DPF3: variants seen among roughly 807,000 people sequenced by gnomAD.
The protein encoded by DPF3 is zinc finger protein DPF3.
A neutral mutation model predicts 56.8 loss-of-function variants in DPF3; 18 were observed. The ratio of observed to expected loss-of-function variants is 0.32; its 90% CI spans 0.22 to 0.47. The LOEUF is 0.47. DPF3 is among the 20% of genes least tolerant of loss of function. DPF3 has a pLI of 1.00. For missense variants in DPF3, 403 were observed against 488.8 expected, an observed-to-expected ratio of 0.82 and a Z score of 1.65; for synonymous variants, 188 against 180.2, an observed-to-expected ratio of 1.04 and a Z score of -0.35.
intron 1 of DPF3, among the ~76,000 whole-genome samples, chr14:72,873,623 T>C (rs374517368): frequency 2.0e-5 from 3 of 152,256 alleles, no homozygotes; most frequent in Middle Eastern, 3.4e-3. Context: ...CACACGCACA[T>C]GTATGTTTAT....
chr14:72,763,240 T>C (rs945138673), intron 2 of DPF3, among the ~76,000 whole-genome samples: 3 of 152,014 alleles, frequency 2.0e-5, no homozygotes, highest in Non-Finnish European at 4.4e-5. Context: ...TTTGTAGAAA[T>C]TGACAGACTG....
chr14:72,840,831 G>A (rs1313872285), intron 1 of DPF3, among the ~76,000 whole-genome samples: 1 of 152,180 alleles, frequency 6.6e-6, no homozygotes. Context: ...CAAAAGGCCA[G>A]GTCCCAGGAT....
intron 1 of DPF3, among the ~76,000 whole-genome samples, chr14:72,883,515 T>G (rs890834566): frequency 4.6e-5 from 7 of 151,292 alleles, no homozygotes; most frequent in African/African-American, 1.7e-4. Flanking sequence ...GAAAAGAAAA[T>G]AAAGAAAGTT....
chr14:72,763,468 T>C (rs1891141684), intron 2 of DPF3, among the ~76,000 whole-genome samples: 1 of 152,148 alleles, frequency 6.6e-6, no homozygotes, highest in Non-Finnish European at 1.5e-5. Flanking sequence ...CATCTAATTT[T>C]TGACAAGCCA....
At chr14:72,671,382 G>T in intron 8 of DPF3, 1 of 1,605,554 alleles carries the variant, frequency 6.2e-7, no homozygotes, top group South Asian at 1.1e-5. Flanking sequence ...TTAAGCAACA[G>T]ACAGCATTAT....
chr14:72,669,055 C>A (rs1417333048), intron 8 of DPF3, among the ~76,000 whole-genome samples: 1 of 152,174 alleles, frequency 6.6e-6, no homozygotes, highest in Admixed American at 6.5e-5. Flanking sequence ...GGGATTGTTA[C>A]TTTCATTCCC....
intron 5 of DPF3, among the ~76,000 whole-genome samples, chr14:72,717,052 G>A (rs961602174): frequency 2.0e-5 from 3 of 152,252 alleles, no homozygotes; most frequent in South Asian, 4.2e-4. Context: ...GCATTCACAC[G>A]TTCATTCATT....
At chr14:72,868,497 C>T (rs1363292706) in intron 1 of DPF3, among the ~76,000 whole-genome samples, 1 of 152,204 alleles carries the variant, frequency 6.6e-6, no homozygotes, top group African/African-American at 2.4e-5. Context: ...CATGGCCTCA[C>T]CCCTAGGGAT....
At chr14:72,739,969 GA>G (rs1366691667) in intron 3 of DPF3, among the ~76,000 whole-genome samples, 2 of 152,132 alleles carry the variant, frequency 1.3e-5, no homozygotes, top group Admixed American at 6.5e-5. Context: ...TGCTTTGGAG[GA>G]AAAACAGAGC....
intron 1 of DPF3, among the ~76,000 whole-genome samples, chr14:72,849,209 A>G (rs1442309667): frequency 1.3e-5 from 2 of 152,154 alleles, no homozygotes; most frequent in African/African-American, 4.8e-5. Flanking sequence ...TATAAGTTTC[A>G]AGGGCTGGAC....
chr14:72,748,111 G>A lies in DPF3; in HGVS notation c.301+5153C>T, dbSNP rs564829737. 3.4e-3 allele frequency among the ~76,000 whole-genome samples: 524 copies of A among 152,352 alleles called. 1 individual carries two copies. The highest frequency in any genetic ancestry group is 0.012 in the African/African-American group (482 of 41,582). On this transcript the variant is annotated intron_variant, in intron 3 of 10. Coordinates refer to ENST00000556509, the MANE Select transcript of DPF3 (RefSeq NM_001280542.3). ...TTTGGACGGCTCAGAAGAAGACAGCGAAATGTGGGAAAGTTTGGAACTTCC... is the reference window on the plus strand; with the variant it reads ...TTTGGACGGCTCAGAAGAAGACAGCAAAATGTGGGAAAGTTTGGAACTTCC...
intron 8 of DPF3, among the ~76,000 whole-genome samples, chr14:72,673,843 T>C (rs1442022007): frequency 6.6e-6 from 1 of 152,208 alleles, no homozygotes; most frequent in Non-Finnish European, 1.5e-5. Context: ...CACCACACTC[T>C]TCGGGTTTGC....
At chr14:72,863,985 T>C (rs1214443803) in intron 1 of DPF3, among the ~76,000 whole-genome samples, 2 of 152,122 alleles carry the variant, frequency 1.3e-5, no homozygotes, top group African/African-American at 4.8e-5. Flanking sequence ...GGGAAGCCCA[T>C]GGTGGGATGT....
At chr14:72,665,832 A>AT (rs1886420874) in intron 8 of DPF3, among the ~76,000 whole-genome samples, 1 of 152,196 alleles carries the variant, frequency 6.6e-6, no homozygotes, top group South Asian at 2.1e-4. Flanking sequence ...TATTTGAAGA[A>AT]TCTGGGTGAA....
chr14:72,715,327 G>A (rs546037610), intron 5 of DPF3, among the ~76,000 whole-genome samples: 31 of 152,340 alleles, frequency 2.0e-4, no homozygotes, highest in African/African-American at 7.2e-4. Context: ...CAGCCCCAGG[G>A]CGGTGGTGAC....
At chr14:72,719,942 TC>T (rs1170440459) in intron 5 of DPF3, among the ~76,000 whole-genome samples, 1 of 152,030 alleles carries the variant, frequency 6.6e-6, no homozygotes, top group Non-Finnish European at 1.5e-5. Flanking sequence ...TATTCTGTAA[TC>T]CCTACCTTAG....
chr14:72,857,195 T>C (rs182492462), intron 1 of DPF3, among the ~76,000 whole-genome samples: 2 of 152,020 alleles, frequency 1.3e-5, no homozygotes, highest in African/African-American at 4.8e-5. Flanking sequence ...CTCTAAACCA[T>C]GTATGGAGAG....
chr14:72,767,852 A>C (rs1891356537), intron 2 of DPF3, among the ~76,000 whole-genome samples: 1 of 151,972 alleles, frequency 6.6e-6, no homozygotes, highest in South Asian at 2.1e-4. Flanking sequence ...ATGGCAAAAC[A>C]CATCAAAATC....
At chr14:72,712,536 C>T (rs1460653166) in intron 6 of DPF3, among the ~76,000 whole-genome samples, 2 of 152,258 alleles carry the variant, frequency 1.3e-5, no homozygotes, top group East Asian at 1.9e-4. Flanking sequence ...ATCCCACGGT[C>T]TATAGTAGCA....
Sources: gnomAD v4.1 joint callset for allele counts (sites outside exome capture counted in the v4.1 genomes callset) on GRCh38, gnomAD v4.1.1 for gene constraint, MANE v1.5 for transcripts, NCBI Gene and HGNC (gene_info 2026-07-23, HGNC 2026-07-21) for gene names.